The following MACROD2 variants were observed in gnomAD, a reference collection of about 807,000 sequenced individuals.
MACROD2 encodes ADP-ribose glycohydrolase MACROD2.
A neutral mutation model predicts 70.4 loss-of-function variants in MACROD2; 36 were observed. The observed-to-expected ratio is 0.51, with a 90% CI of 0.39 to 0.68. MACROD2 has a LOEUF of 0.68. Among genes scored for constraint, MACROD2 ranks in the 30% least tolerant of loss-of-function variants. MACROD2 has a pLI of 0.00. For missense variants in MACROD2, 496 were observed against 538.4 expected (o/e 0.92, Z 0.78); for synonymous variants, 172 against 178.8 (o/e 0.96, Z 0.30).
At chr20:15,122,387 C>T (rs1212558521) in intron 5 of MACROD2, among the ~76,000 whole-genome samples, 1 of 152,148 alleles carries the variant, frequency 6.6e-6, no homozygotes, top group Non-Finnish European at 1.5e-5. Context: ...TGCTGCATTA[C>T]AAGGAAAGTT....
intron 3 of MACROD2, among the ~76,000 whole-genome samples, chr20:14,138,440 A>C (rs559424238): frequency 6.6e-6 from 1 of 152,272 alleles, no homozygotes; most frequent in African/African-American, 2.4e-5. Context: ...AAAAAAAAGG[A>C]AATTTCTGTT....
intron 6 of MACROD2, among the ~76,000 whole-genome samples, chr20:15,274,740 A>C (rs6043161): frequency 0.016 from 2,370 of 152,372 alleles, 74 homozygotes; most frequent in African/African-American, 0.054. Flanking sequence ...CATTGAGCTC[A>C]GGGACTGAGA....
At chr20:14,935,692 C>T (rs1442732949) in intron 5 of MACROD2, among the ~76,000 whole-genome samples, 2 of 152,142 alleles carry the variant, frequency 1.3e-5, no homozygotes, top group Non-Finnish European at 2.9e-5. Context: ...GTGGCCAAGC[C>T]TCCTTCTGGA....
chr20:15,790,698 C>T (rs79847123), intron 8 of MACROD2, among the ~76,000 whole-genome samples: 1 of 151,856 alleles, frequency 6.6e-6, no homozygotes, highest in Admixed American at 6.6e-5. Flanking sequence ...CCAGCTTAAT[C>T]TAAACCATGG....
intron 4 of MACROD2, among the ~76,000 whole-genome samples, chr20:14,531,233 T>C (rs1969048759): frequency 6.6e-6 from 1 of 152,144 alleles, no homozygotes; most frequent in African/African-American, 2.4e-5. Flanking sequence ...TTTGGAGAAA[T>C]GGTCTCTGCG....
intron 8 of MACROD2, among the ~76,000 whole-genome samples, chr20:15,572,213 T>C (rs1213836354): frequency 6.6e-6 from 1 of 152,102 alleles, no homozygotes; most frequent in Non-Finnish European, 1.5e-5. Flanking sequence ...AGGGTATGTA[T>C]CCTGGAAATG....
At chr20:14,687,349 CTG>C (rs1568739041) in intron 5 of MACROD2, among the ~76,000 whole-genome samples, 1 of 152,132 alleles carries the variant, frequency 6.6e-6, no homozygotes, top group Non-Finnish European at 1.5e-5. Flanking sequence ...TGGGTTCACA[CTG>C]TGATAATTTT....
At chr20:14,923,856 G>T in intron 5 of MACROD2, among the ~76,000 whole-genome samples, 1 of 151,726 alleles carries the variant, frequency 6.6e-6, no homozygotes, top group African/African-American at 2.4e-5. Flanking sequence ...CCTCCATAAA[G>T]GTAGAAAATG....
chr20:15,750,011 A>C (rs771583009), intron 8 of MACROD2, among the ~76,000 whole-genome samples: 5 of 152,146 alleles, frequency 3.3e-5, no homozygotes, highest in Non-Finnish European at 5.9e-5. Flanking sequence ...ATAAGACTAC[A>C]TTAAACTAAA....
intron 7 of MACROD2, among the ~76,000 whole-genome samples, chr20:15,477,248 G>T (rs941856913): frequency 6.6e-6 from 1 of 151,734 alleles, no homozygotes; most frequent in African/African-American, 2.4e-5. Flanking sequence ...CTACAGGCAC[G>T]CACCACCATA....
chr20:15,364,282 A>C (rs926264111), intron 6 of MACROD2, among the ~76,000 whole-genome samples: 1 of 152,200 alleles, frequency 6.6e-6, no homozygotes, highest in African/African-American at 2.4e-5. Context: ...GCCCTGCAGC[A>C]GTGTATTTTA....
At chr20:15,151,946 T>C (rs2076273138) in intron 5 of MACROD2, among the ~76,000 whole-genome samples, 1 of 151,500 alleles carries the variant, frequency 6.6e-6, no homozygotes, top group African/African-American at 2.4e-5. Flanking sequence ...AGAGGAAGAT[T>C]AGAAAGACTC....
At chr20:16,036,543 T>C (rs981982044) in intron 15 of MACROD2, among the ~76,000 whole-genome samples, 3 of 151,972 alleles carry the variant, frequency 2.0e-5, no homozygotes, top group Non-Finnish European at 4.4e-5. Context: ...AGCTCTGGAA[T>C]GTACCTCTTG....
At chr20:15,120,455 T>C (rs2076022247) in intron 5 of MACROD2, among the ~76,000 whole-genome samples, 1 of 152,168 alleles carries the variant, frequency 6.6e-6, no homozygotes, top group Admixed American at 6.5e-5. Context: ...CTTTATGTAA[T>C]ATTTTATATG....
At chr20:15,635,275 T>A (rs2146759845) in intron 8 of MACROD2, among the ~76,000 whole-genome samples, 1 of 152,294 alleles carries the variant, frequency 6.6e-6, no homozygotes, top group Non-Finnish European at 1.5e-5. Flanking sequence ...AAATTGAGGA[T>A]CAGTGAGATA....
chr20:14,337,332 G>A (rs1379269231), intron 3 of MACROD2: 3 of 330,780 alleles, frequency 9.1e-6, no homozygotes, highest in East Asian at 4.5e-5. Flanking sequence ...GTATCAAGTC[G>A]TTTCTTTCTA....
intron 8 of MACROD2, among the ~76,000 whole-genome samples, chr20:15,743,162 C>T (rs556122974): frequency 6.6e-6 from 1 of 152,118 alleles, no homozygotes; most frequent in Non-Finnish European, 1.5e-5. Flanking sequence ...AGTTATTAGG[C>T]CTCTGTAGCT....
intron 10 of MACROD2, among the ~76,000 whole-genome samples, chr20:15,916,721 G>A (rs775726799): frequency 1.3e-5 from 2 of 152,184 alleles, no homozygotes; most frequent in Non-Finnish European, 2.9e-5. Flanking sequence ...TGTCAGACAC[G>A]GGCACTTTGC....
chr20:15,271,639 T>C (rs2077347330), intron 6 of MACROD2, among the ~76,000 whole-genome samples: 1 of 152,198 alleles, frequency 6.6e-6, no homozygotes, highest in Non-Finnish European at 1.5e-5. Context: ...AAATCTTTGT[T>C]AAAAGAAGGA....
Sources: gnomAD v4.1 joint callset for allele counts (sites outside exome capture counted in the v4.1 genomes callset) on GRCh38, gnomAD v4.1.1 for gene constraint, MANE v1.5 for transcripts, NCBI Gene and HGNC (gene_info 2026-07-23, HGNC 2026-07-21) for gene names.